PCDHGA5: variants seen among roughly 807,000 people sequenced by gnomAD.
PCDHGA5 encodes the protein protocadherin gamma subfamily A, 5, also known as protocadherin gamma-A5.
A neutral mutation model predicts 56.7 loss-of-function variants in PCDHGA5; 36 were observed. The observed-to-expected ratio is 0.64, with a 90% confidence interval of 0.49 to 0.84. PCDHGA5 has a LOEUF of 0.84. Among genes scored for constraint, PCDHGA5 ranks in the 40% least tolerant of loss-of-function variants. The pLI is 0.00. For synonymous variants in PCDHGA5, 563 were observed against 520.2 expected (o/e 1.08, Z -1.12); for missense variants, 1,305 against 1,201.5 (o/e 1.09, Z -1.27).
intron 1 of PCDHGA5, chr5:141,478,111 A>G (rs2099430294): frequency 1.2e-6 from 2 of 1,613,982 alleles, no homozygotes; most frequent in Admixed American, 1.7e-5. Context: ...TCACTGTGTC[A>G]GTAACCGAGG....
At chr5:141,370,272 A>T (rs1331315673) in intron 1 of PCDHGA5, 1 of 794,344 alleles carries the variant, frequency 1.3e-6, no homozygotes, top group Non-Finnish European at 1.9e-6. Context: ...TGCAGCGGAG[A>T]CACCCATTAG....
At chr5:141,379,378 A>G (rs1775559732) in intron 1 of PCDHGA5, 1 of 152,234 alleles carries the variant, frequency 6.6e-6, no homozygotes, top group African/African-American at 2.4e-5. Flanking sequence ...TTGATAAAAT[A>G]ACAATTTTAA....
chr5:141,430,994 C>T, intron 1 of PCDHGA5: 1 of 1,613,950 alleles, frequency 6.2e-7, no homozygotes, highest in East Asian at 2.2e-5. Context: ...CGCCCTGAAT[C>T]CGCGCAGCGG....
At chr5:141,470,983 C>G (rs1486663328) in intron 1 of PCDHGA5, among the ~76,000 whole-genome samples, 2 of 151,528 alleles carry the variant, frequency 1.3e-5, no homozygotes, top group African/African-American at 4.9e-5. Context: ...TCCCAAAGTG[C>G]TGGGACTACA....
At chr5:141,385,399 G>A in intron 1 of PCDHGA5, 1 of 1,492,926 alleles carries the variant, frequency 6.7e-7, no homozygotes, top group Non-Finnish European at 8.9e-7. Flanking sequence ...CAAAACAAAT[G>A]TTTTGAAAAT....
chr5:141,432,266 T>G lies in PCDHGA5; in HGVS notation c.2422-62541T>G. ...CACCATCCAAGGGGCAAGCCTATCG[T>G]CCTACGTGTCCATCAACTCCGACAC... On this transcript the variant is annotated intron_variant, in intron 1 of 3. Transcript: ENST00000518069. This position sits in a 1 kb window ranked among gnomAD's most constrained non-coding sequence, Gnocchi z 6.0. The G allele has an allele frequency of 6.2e-7, 1 of 1,614,214 alleles. No individual in the cohort carries two copies. Among genetic ancestry groups the G allele is most frequent in the East Asian group, 2.2e-5 (1 of 44,880 alleles).
At position 141,476,666 on chromosome 5, in the gene PCDHGA5, G is replaced by A. The variant is rs2099395856; in HGVS notation, c.2422-18141G>A. On this transcript the variant is annotated intron_variant, in intron 1 of 3. Coordinates refer to ENST00000518069, the MANE Select transcript of PCDHGA5 (RefSeq NM_018918.3). The surrounding 1 kb of genome is among the most constrained non-coding windows in gnomAD (Gnocchi z 7.6). The stretch of plus-strand genomic sequence containing the variant: ...CCGAAATGAATACTTTGCGCTTCGC[G>A]TGCAGACGCGGGAGGACAGCACCAA... 6.2e-7 allele frequency: 1 copy of A among 1,614,128 alleles called. No individual in the cohort carries two copies.
At position 141,433,251 on chromosome 5, in the gene PCDHGA5, C is replaced by T. The variant is rs1022165468; in HGVS notation, c.2422-61556C>T. The T allele has an allele frequency of 1.1e-5, 16 of 1,423,126 alleles. No homozygotes were observed. In the East Asian group the frequency reaches 3.7e-4, roughly 33 times the overall value. 88.2% of individuals were successfully genotyped at this position (1,423,126 alleles called of 1,614,324 possible). A position where few individuals can be genotyped will look rare whatever the true frequency, so the allele number is the denominator to read the frequency against. ...CTCTGTCTCCCAAGCTGGAATGCAGCGGTACGATCATAGCTCACTGCAGCC... is the reference window on the plus strand; with the variant it reads ...CTCTGTCTCCCAAGCTGGAATGCAGTGGTACGATCATAGCTCACTGCAGCC... On this transcript the variant is annotated intron_variant, in intron 1 of 3. Transcript: ENST00000518069.
At chr5:141,385,499 A>G in intron 1 of PCDHGA5, 1 of 1,381,812 alleles carries the variant, frequency 7.2e-7, no homozygotes, top group Non-Finnish European at 9.4e-7. Context: ...AGGATATAGT[A>G]TTTCTTTAGT....
chr5:141,439,455 C>T (rs62379163), intron 1 of PCDHGA5, among the ~76,000 whole-genome samples: 5,115 of 152,308 alleles, frequency 0.034, 100 homozygotes, highest in Middle Eastern at 0.088. Context: ...GGGAGCAAGA[C>T]TGCACTGCTG....
chr5:141,430,686 C>G, intron 1 of PCDHGA5: 1 of 1,397,218 alleles, frequency 7.2e-7, no homozygotes, highest in Non-Finnish European at 9.5e-7. Context: ...CTGTCCCATT[C>G]TATGGGCGAA....
In PCDHGA5 at chr5:141,485,368, G is replaced by T. The variant is rs2154580406; in HGVS notation, c.2422-9439G>T. On this transcript the variant is annotated intron_variant, in intron 1 of 3. Coordinates refer to ENST00000518069, the MANE Select transcript of PCDHGA5 (RefSeq NM_018918.3). This position sits in a 1 kb window ranked among gnomAD's most constrained non-coding sequence, Gnocchi z 5.7. Reference sequence around the variant, plus strand: ...ACAGTCTGTCAGCTCGCAGGCTGCAGGTCGCTGGAGAGGTGAACCAAAGAC... The same window carrying T: ...ACAGTCTGTCAGCTCGCAGGCTGCATGTCGCTGGAGAGGTGAACCAAAGAC... The T allele has an allele frequency of 6.2e-7, 1 of 1,614,144 alleles. No individual in the cohort carries two copies. The highest frequency in any genetic ancestry group is 2.2e-5 in the East Asian group (1 of 44,866).
At chr5:141,484,795 C>G (rs1265916821) in intron 1 of PCDHGA5, among the ~76,000 whole-genome samples, 1 of 151,902 alleles carries the variant, frequency 6.6e-6, no homozygotes, top group Middle Eastern at 3.4e-3. Flanking sequence ...AGATAACAAC[C>G]CGTGGAAAAA....
At chr5:141,417,915 C>T in intron 1 of PCDHGA5, 1 of 1,603,354 alleles carries the variant, frequency 6.2e-7, no homozygotes. Flanking sequence ...GTACTATTTC[C>T]TTTGCTGCTG....
chr5:141,427,881 C>A, intron 1 of PCDHGA5: 1 of 1,563,720 alleles, frequency 6.4e-7, no homozygotes, highest in African/African-American at 1.3e-5. Context: ...GATGCAGGCC[C>A]ACGACCAGGG....
intron 1 of PCDHGA5, chr5:141,423,913 C>T: frequency 7.9e-7 from 1 of 1,269,552 alleles, no homozygotes; most frequent in Non-Finnish European, 1.0e-6. Context: ...AGGGGCCATT[C>T]AACTATGCTG....
At chr5:141,406,072 CT>C (rs530474569) in intron 1 of PCDHGA5, among the ~76,000 whole-genome samples, 16,756 of 141,280 alleles carry the variant, frequency 0.12, 1,110 homozygotes, top group African/African-American at 0.2. Flanking sequence ...ATTCTTACTC[CT>C]TTTTTTTTTT....
chr5:141,389,343 T>TACTG, intron 1 of PCDHGA5: 1 of 1,613,992 alleles, frequency 6.2e-7, no homozygotes, highest in Non-Finnish European at 8.5e-7. Flanking sequence ...CCAAGTCTCT[T>TACTG]ACTGCATCAT....
intron 1 of PCDHGA5, chr5:141,416,850 T>C (rs2096064812): frequency 6.6e-6 from 1 of 151,902 alleles, no homozygotes; most frequent in South Asian, 2.1e-4. Flanking sequence ...AATTCCATGA[T>C]TTTTTTCAGG....
Sources: gnomAD v4.1 joint callset for allele counts (sites outside exome capture counted in the v4.1 genomes callset) on GRCh38, gnomAD v4.1.1 for gene constraint, Gnocchi (gnomAD v3.1) non-coding constraint, MANE v1.5 for transcripts, NCBI Gene and HGNC (gene_info 2026-07-23, HGNC 2026-07-21) for gene names.